Variants in CADPS observed in about 807,000 individuals in gnomAD.
CADPS encodes calcium-dependent secretion activator 1.
A neutral mutation model predicts 167.3 loss-of-function variants in CADPS; 57 were observed. The observed-to-expected ratio is 0.34, with a 90% CI of 0.28 to 0.42. The LOEUF (loss-of-function observed/expected upper bound fraction) is 0.42, where lower values mean the gene tolerates loss of function less well. Among genes scored for constraint, CADPS ranks in the 20% least tolerant of loss-of-function variants. The pLI is 1.00. For synonymous variants in CADPS, 676 were observed against 635.3 expected, an observed-to-expected ratio of 1.06 and a Z score of -0.96; for missense variants, 1,414 against 1,738.1, an observed-to-expected ratio of 0.81 and a Z score of 3.32.
At chr3:62,689,279 T>C (rs2078654471) in intron 3 of CADPS, among the ~76,000 whole-genome samples, 1 of 152,046 alleles carries the variant, frequency 6.6e-6, no homozygotes, top group African/African-American at 2.4e-5. Flanking sequence ...GTTATGACCT[T>C]AGGTGGCTTA....
At chr3:62,784,242 C>T (rs538624325) in intron 1 of CADPS, among the ~76,000 whole-genome samples, 3 of 152,294 alleles carry the variant, frequency 2.0e-5, no homozygotes, top group African/African-American at 4.8e-5. Flanking sequence ...TAAATCGTAA[C>T]ATTACTCATA....
chr3:62,530,632 C>T, intron 13 of CADPS: 3 of 1,274,382 alleles, frequency 2.4e-6, no homozygotes, highest in Non-Finnish European at 2.0e-6. Context: ...AAACACAAGC[C>T]AATACACACA....
chr3:62,620,074 G>C (rs992668062), intron 6 of CADPS, among the ~76,000 whole-genome samples: 12 of 151,412 alleles, frequency 7.9e-5, no homozygotes, highest in Non-Finnish European at 1.5e-4. Context: ...GGGTGCTATT[G>C]ATTTTTTTTT....
At chr3:62,552,859 G>A (rs1402869848) in intron 10 of CADPS, among the ~76,000 whole-genome samples, 1 of 152,126 alleles carries the variant, frequency 6.6e-6, no homozygotes, top group Non-Finnish European at 1.5e-5. Context: ...GGACTATTTT[G>A]CTTAATTTCA....
intron 28 of CADPS, among the ~76,000 whole-genome samples, chr3:62,418,959 A>G (rs2050754887): frequency 6.6e-6 from 1 of 152,224 alleles, no homozygotes; most frequent in Non-Finnish European, 1.5e-5. Context: ...CATGGGCCAG[A>G]CACCAGCTGC....
intron 1 of CADPS, among the ~76,000 whole-genome samples, chr3:62,819,000 G>C (rs1194007184): frequency 6.7e-6 from 1 of 149,354 alleles, no homozygotes; most frequent in Admixed American, 6.7e-5. Flanking sequence ...GATAAGAACA[G>C]TTACTGGCTC....
intron 6 of CADPS, among the ~76,000 whole-genome samples, chr3:62,614,943 CAGTGCATGT>C (rs1455660703): frequency 2.6e-5 from 4 of 152,126 alleles, no homozygotes; most frequent in African/African-American, 9.7e-5. Context: ...TTAAATGGGA[CAGTGCATGT>C]TCTTTAAGAG....
chr3:62,542,604 T>C (rs1352497235), intron 11 of CADPS, among the ~76,000 whole-genome samples: 1 of 152,048 alleles, frequency 6.6e-6, no homozygotes, highest in Non-Finnish European at 1.5e-5. Flanking sequence ...GACCACTTAA[T>C]TGAGAAACAA....
intron 1 of CADPS, among the ~76,000 whole-genome samples, chr3:62,815,015 G>A (rs574490306): frequency 6.6e-6 from 1 of 152,194 alleles, no homozygotes; most frequent in East Asian, 1.9e-4. Flanking sequence ...CAATTCTTTT[G>A]AAATTGTTCT....
chr3:62,501,628 A>C (rs1161332840), intron 17 of CADPS, among the ~76,000 whole-genome samples: 2 of 152,234 alleles, frequency 1.3e-5, no homozygotes, highest in African/African-American at 2.4e-5. Flanking sequence ...CTCTTGCTTT[A>C]AAAATAGAGA....
At chr3:62,734,320 T>A (rs759667795) in intron 3 of CADPS, among the ~76,000 whole-genome samples, 10 of 152,172 alleles carry the variant, frequency 6.6e-5, no homozygotes, top group Non-Finnish European at 1.5e-4. Flanking sequence ...GTAGTAGATA[T>A]GTGGCTAGTG....
intron 12 of CADPS, among the ~76,000 whole-genome samples, chr3:62,533,520 G>C (rs2074124008): frequency 6.6e-6 from 1 of 152,156 alleles, no homozygotes; most frequent in African/African-American, 2.4e-5. Flanking sequence ...GAGCCCTATA[G>C]CAACTCTGTA....
chr3:62,489,893 C>T (rs1256739684), intron 21 of CADPS, among the ~76,000 whole-genome samples: 2 of 152,096 alleles, frequency 1.3e-5, no homozygotes, highest in Non-Finnish European at 2.9e-5. Flanking sequence ...CAGTTCTACC[C>T]TCATGAGTGA....
intron 1 of CADPS, among the ~76,000 whole-genome samples, chr3:62,787,083 C>T (rs1052943707): frequency 1.3e-5 from 2 of 152,108 alleles, no homozygotes; most frequent in Non-Finnish European, 2.9e-5. Context: ...CGCTTGATCT[C>T]CGGAGTTAGA....
In CADPS at chr3:62,485,728, A is replaced by C. The variant is rs534870129; in HGVS notation, c.3027-3859T>G. On this transcript the variant is annotated intron_variant, in intron 21 of 29. Coordinates refer to ENST00000383710, the MANE Select transcript of CADPS (RefSeq NM_003716.4). ...ATTAATCAACAAACATTTATTGAGC[A>C]CCTGTTATGTTCCAGGCCCTGTTAT... Among the ~76,000 whole-genome samples, 3 of 152,304 alleles carry C rather than the reference A, an allele frequency of 2.0e-5. No homozygotes were observed. In the South Asian group the frequency reaches 6.2e-4, roughly 32 times the overall value.
intron 28 of CADPS, among the ~76,000 whole-genome samples, chr3:62,424,165 T>C (rs1268966867): frequency 2.0e-5 from 3 of 151,948 alleles, no homozygotes; most frequent in Non-Finnish European, 4.4e-5. Context: ...GGGAACTTAC[T>C]CGCAGTGCAA....
intron 26 of CADPS, among the ~76,000 whole-genome samples, chr3:62,453,965 G>A (rs2058387769): frequency 6.6e-6 from 1 of 152,134 alleles, no homozygotes; most frequent in Non-Finnish European, 1.5e-5. Context: ...GAGGGCCAGA[G>A]TTTGTAAATG....
intron 3 of CADPS, among the ~76,000 whole-genome samples, chr3:62,731,501 T>G (rs898835571): frequency 2.0e-5 from 3 of 152,070 alleles, no homozygotes; most frequent in Non-Finnish European, 4.4e-5. Flanking sequence ...GGTTAATAAC[T>G]TGTACCCCAA....
intron 3 of CADPS, among the ~76,000 whole-genome samples, chr3:62,751,680 C>A (rs1344583516): frequency 6.6e-6 from 1 of 152,144 alleles, no homozygotes; most frequent in African/African-American, 2.4e-5. Flanking sequence ...CTTAGCCTCC[C>A]AAAGTGCTGA....
Sources: gnomAD v4.1 joint callset for allele counts (sites outside exome capture counted in the v4.1 genomes callset) on GRCh38, gnomAD v4.1.1 for gene constraint, MANE v1.5 for transcripts, NCBI Gene and HGNC (gene_info 2026-07-23, HGNC 2026-07-21) for gene names.